Variants in AGAP1 observed in about 807,000 individuals in gnomAD.
AGAP1 encodes arf-GAP with GTPase, ANK repeat and PH domain-containing protein 1.
In AGAP1, 29 loss-of-function variants were observed where a neutral mutation model predicts 105.3. That is an observed-to-expected ratio of 0.28 (90% CI 0.21 to 0.38). The LOEUF (loss-of-function observed/expected upper bound fraction) is 0.38, where lower values mean the gene tolerates loss of function less well. Ranked by LOEUF, AGAP1 falls within the 10% of genes least tolerant of loss-of-function variation. The pLI, the probability that AGAP1 is intolerant of heterozygous loss-of-function variation, is 1.00. For synonymous variants in AGAP1, 509 were observed against 485.9 expected, an observed-to-expected ratio of 1.05 and a Z score of -0.63; for missense variants, 998 against 1,165.1, an observed-to-expected ratio of 0.86 and a Z score of 2.09.
chr2:236,083,700 AT>A lies in AGAP1; in HGVS notation c.2114+34428del, dbSNP rs149637159. On this transcript the variant is annotated intron_variant, in intron 16 of 17. Coordinates refer to ENST00000304032, the MANE Select transcript of AGAP1 (RefSeq NM_001037131.3). This position sits in a 1 kb window ranked among gnomAD's most constrained non-coding sequence, Gnocchi z 5.3. The stretch of plus-strand genomic sequence containing the variant: ...TTTGTTTTACTTAATATATAGGAAG[AT>A]TTTTTTTTAATACCTTAAAAATACT... Among the ~76,000 whole-genome samples the A allele has an allele frequency of 4.6e-4, 70 of 151,832 alleles. No homozygotes were observed. In the East Asian group the frequency reaches 5.4e-3, roughly 12 times the overall value.
Position 235,600,317 on chromosome 2 carries a change from T to TCAG in AGAP1, c.163+105470_163+105472dup, listed in dbSNP as rs1945686289. Among the ~76,000 whole-genome samples the TCAG allele has an allele frequency of 6.6e-6, 1 of 152,134 alleles. No homozygotes were observed. The highest frequency in any genetic ancestry group is 2.1e-4 in the South Asian group (1 of 4,814). Reference sequence around the variant, plus strand: ...TAAGGGAGGTGCTGGCACTACCTTTTCAGCCTGCATGGACTGTGCTGGAAA... The same window carrying TCAG: ...TAAGGGAGGTGCTGGCACTACCTTTTCAGCAGCCTGCATGGACTGTGCTGGAAA... On this transcript the variant is annotated intron_variant, in intron 1 of 17. Coordinates refer to ENST00000304032, the MANE Select transcript of AGAP1 (RefSeq NM_001037131.3). The surrounding 1 kb of genome is among the most constrained non-coding windows in gnomAD (Gnocchi z 4.8).
rs1420959851 is a variant in AGAP1, at chr2:235,724,584, TG to T, written c.310+6946del. 4.0e-5 allele frequency among the ~76,000 whole-genome samples: 6 copies of T among 151,078 alleles called. No homozygotes were observed. The highest frequency in any genetic ancestry group is 3.9e-4 in the Admixed American group (6 of 15,190). On this transcript the variant is annotated intron_variant, in intron 3 of 17. Coordinates refer to ENST00000304032, the MANE Select transcript of AGAP1 (RefSeq NM_001037131.3). This position sits in a 1 kb window ranked among gnomAD's most constrained non-coding sequence, Gnocchi z 4.9. ...CAGATGGAAAAGGTACCTGCGGTGG[TG>T]GGGGGAGGGGGAGTTCCCTATGTAA...
intron 9 of AGAP1, among the ~76,000 whole-genome samples, chr2:235,840,770 T>TG (rs1196883005): frequency 4.0e-5 from 6 of 149,384 alleles, no homozygotes; most frequent in East Asian, 2.0e-4. Context: ...AAAGAAGAGT[T>TG]TTTTTTTTTT....
intron 2 of AGAP1, among the ~76,000 whole-genome samples, chr2:235,709,550 C>G (rs977338671): frequency 1.4e-5 from 2 of 147,436 alleles, no homozygotes; most frequent in Non-Finnish European, 3.0e-5. Flanking sequence ...CACACACCCC[C>G]ATGGGTTGAT....
rs914059730 is a variant in AGAP1 at position 235,612,028 on chromosome 2, T to G, written c.164-97151T>G. Among the ~76,000 whole-genome samples the G allele has an allele frequency of 6.6e-6, 1 of 152,220 alleles. No individual in the cohort carries two copies. The highest frequency in any genetic ancestry group is 1.5e-5 in the Non-Finnish European group (1 of 68,040). The stretch of plus-strand genomic sequence containing the variant: ...ATCAATACTGATGTTAATAATTATG[T>G]AAAATCATTCCTGTCCGCAGCCTAG... On this transcript the variant is annotated intron_variant, in intron 1 of 17. Coordinates refer to ENST00000304032, the MANE Select transcript of AGAP1 (RefSeq NM_001037131.3). The surrounding 1 kb of genome is among the most constrained non-coding windows in gnomAD (Gnocchi z 4.3).
chr2:235,908,189 A>G lies in AGAP1; in HGVS notation c.1156-549A>G, dbSNP rs529183596. Reference sequence around the variant, plus strand: ...TGTAGTTCTCTGATTGCTGCTGGTCATTTGCTTCCAAGGCCTAGAAAGCCA... The same window carrying G: ...TGTAGTTCTCTGATTGCTGCTGGTCGTTTGCTTCCAAGGCCTAGAAAGCCA... On this transcript the variant is annotated intron_variant, in intron 10 of 17. Coordinates refer to ENST00000304032, the MANE Select transcript of AGAP1 (RefSeq NM_001037131.3). This position sits in a 1 kb window ranked among gnomAD's most constrained non-coding sequence, Gnocchi z 4.4. Among the ~76,000 whole-genome samples, 1 of 152,218 alleles carries G rather than the reference A, an allele frequency of 6.6e-6. No homozygotes were observed. Among genetic ancestry groups the G allele is most frequent in the South Asian group, 2.1e-4 (1 of 4,824 alleles).
intron 6 of AGAP1, among the ~76,000 whole-genome samples, chr2:235,776,487 C>T (rs1035288426): frequency 4.6e-5 from 7 of 152,208 alleles, no homozygotes; most frequent in Non-Finnish European, 8.8e-5. Flanking sequence ...TTTGATGCCT[C>T]CCTAGCACCT....
At chr2:235,823,956 A>G (rs761374101) in intron 9 of AGAP1, among the ~76,000 whole-genome samples, 23 of 152,186 alleles carry the variant, frequency 1.5e-4, no homozygotes, top group African/African-American at 5.3e-4. Context: ...CTCGCCTTGC[A>G]TGATTTCCTA....
intron 1 of AGAP1, among the ~76,000 whole-genome samples, chr2:235,675,663 A>G (rs573799645): frequency 2.0e-5 from 3 of 152,202 alleles, no homozygotes; most frequent in Admixed American, 2.0e-4. Flanking sequence ...ACTCCTCATT[A>G]TTTTTGTTTA....
Position 235,740,426 on chromosome 2 carries a change from G to A in AGAP1, c.311-537G>A, listed in dbSNP as rs1952513795. ...GTAGTTTCTGTCTAACCCATGTGTA[G>A]TAGTGAAGCGTCCCTCCCTAATTGT... On this transcript the variant is annotated intron_variant, in intron 3 of 17. Coordinates refer to ENST00000304032, the MANE Select transcript of AGAP1 (RefSeq NM_001037131.3). The surrounding 1 kb of genome is among the most constrained non-coding windows in gnomAD (Gnocchi z 5.7). Among the ~76,000 whole-genome samples, 1 of 152,160 alleles carries A rather than the reference G, an allele frequency of 6.6e-6. No individual in the cohort carries two copies. The highest frequency in any genetic ancestry group is 2.4e-5 in the African/African-American group (1 of 41,426).
rs920811527 is a variant in AGAP1, at chr2:235,864,142, T to C, written c.1051-19203T>C. Among the ~76,000 whole-genome samples the C allele has an allele frequency of 3.3e-5, 5 of 152,224 alleles. No individual in the cohort carries two copies. The highest frequency in any genetic ancestry group is 7.3e-5 in the Non-Finnish European group (5 of 68,040). ...CAGTTGCTGTAGCATGTGTAATCTT[T>C]GCAGTGACAACAATTTAGGGATCAT... On this transcript the variant is annotated intron_variant, in intron 9 of 17. Coordinates refer to ENST00000304032, the MANE Select transcript of AGAP1 (RefSeq NM_001037131.3). This position sits in a 1 kb window ranked among gnomAD's most constrained non-coding sequence, Gnocchi z 5.0.
rs2049890823 is a variant in AGAP1, at chr2:235,879,210, G to A, written c.1051-4135G>A. ...TTCGCTGCCCCTGACTTGTTCCTTT[G>A]GGGAGCAGGGGACATGACTGCACAG... On this transcript the variant is annotated intron_variant, in intron 9 of 17. Transcript: ENST00000304032. The surrounding 1 kb of genome is among the most constrained non-coding windows in gnomAD (Gnocchi z 5.0). Among the ~76,000 whole-genome samples the A allele has an allele frequency of 6.6e-6, 1 of 152,208 alleles. No homozygotes were observed. Among genetic ancestry groups the A allele is most frequent in the Non-Finnish European group, 1.5e-5 (1 of 68,046 alleles).
At chr2:235,727,028 G>A (rs1017437520) in intron 3 of AGAP1, among the ~76,000 whole-genome samples, 1 of 152,196 alleles carries the variant, frequency 6.6e-6, no homozygotes, top group Non-Finnish European at 1.5e-5. Flanking sequence ...GTGCTCAGAT[G>A]TGGTGAGGAG....
chr2:235,581,289 A>G (rs1944923793), intron 1 of AGAP1, among the ~76,000 whole-genome samples: 2 of 151,410 alleles, frequency 1.3e-5, no homozygotes, highest in African/African-American at 4.8e-5. Context: ...CCTGGGTGAC[A>G]AGAGCGAAAC....
intron 16 of AGAP1, 186 bp downstream of exon 16, chr2:236,049,467 A>C (rs2057828883): frequency 3.7e-6 from 2 of 535,012 alleles, no homozygotes; most frequent in Non-Finnish European, 6.6e-6. Flanking sequence ...GATAATTCAC[A>C]CTCCTTAATT....
chr2:235,530,164 G>A (rs957694141), intron 1 of AGAP1, among the ~76,000 whole-genome samples: 2 of 152,132 alleles, frequency 1.3e-5, no homozygotes, highest in African/African-American at 4.8e-5. Flanking sequence ...GCTGCAGTTG[G>A]CCTCAAATGC....
Position 235,893,576 on chromosome 2 carries a change from C to T in AGAP1, c.1155+10127C>T, listed in dbSNP as rs1001052825. ...TGCCGTGTCCATCATGAGGGTGCGC[C>T]GTGTCCGTCATGCAGATGTGCCTTC... On this transcript the variant is annotated intron_variant, in intron 10 of 17. Transcript: ENST00000304032. The surrounding 1 kb of genome is among the most constrained non-coding windows in gnomAD (Gnocchi z 4.7). 8.5e-5 allele frequency among the ~76,000 whole-genome samples: 13 copies of T among 152,118 alleles called. No homozygotes were observed. The highest frequency in any genetic ancestry group is 3.1e-4 in the African/African-American group (13 of 41,422).
At chr2:235,910,286 G>GGGCAGTCACTGAGCTGGTTCCTTCCCCC (rs2051537777) in intron 11 of AGAP1, among the ~76,000 whole-genome samples, 4 of 7,686 alleles carry the variant, frequency 5.2e-4, no homozygotes, top group Admixed American at 1.4e-3. Flanking sequence ...TGCCTGTGTT[G>GGGCAGTCACTGAGCTGGTTCCTTCCCCC]CAGGGGGGCG....
At chr2:235,500,296 T>C (rs11676883) in intron 1 of AGAP1, among the ~76,000 whole-genome samples, 25,038 of 149,560 alleles carry the variant, frequency 0.17, 2,344 homozygotes, top group East Asian at 0.28. Context: ...CAAACGTGAG[T>C]GTGTGTCAGG....
Sources: gnomAD v4.1 joint callset for allele counts (sites outside exome capture counted in the v4.1 genomes callset) on GRCh38, gnomAD v4.1.1 for gene constraint, Gnocchi (gnomAD v3.1) non-coding constraint, MANE v1.5 for transcripts, NCBI Gene and HGNC (gene_info 2026-07-23, HGNC 2026-07-21) for gene names.